CPE: variants seen among roughly 807,000 people sequenced by gnomAD.
CPE encodes the protein carboxypeptidase E.
CPE carries 17 observed loss-of-function variants against 53.5 expected under a neutral mutation model. The ratio of observed to expected loss-of-function variants is 0.32; its 90% CI spans 0.22 to 0.48. The LOEUF is 0.48. Among genes scored for constraint, CPE ranks in the 20% least tolerant of loss-of-function variants. CPE has a pLI of 0.99. For missense variants in CPE, 524 were observed against 614.7 expected, an observed-to-expected ratio of 0.85 and a Z score of 1.56; for synonymous variants, 226 against 228.8, an observed-to-expected ratio of 0.99 and a Z score of 0.11.
chr4:165,403,832 C>T (rs1730910021), intron 1 of CPE, among the ~76,000 whole-genome samples: 1 of 152,138 alleles, frequency 6.6e-6, no homozygotes, highest in African/African-American at 2.4e-5. Flanking sequence ...AGGGCTTATA[C>T]AATGAGCACA....
At chr4:165,438,346 G>T (rs1273305867) in intron 1 of CPE, among the ~76,000 whole-genome samples, 1 of 152,114 alleles carries the variant, frequency 6.6e-6, no homozygotes, top group East Asian at 1.9e-4. Context: ...GAGTCCTCAG[G>T]TTAGGAAGGC....
intron 1 of CPE, among the ~76,000 whole-genome samples, chr4:165,418,740 A>T (rs1437324976): frequency 6.6e-6 from 1 of 152,188 alleles, no homozygotes; most frequent in African/African-American, 2.4e-5. Flanking sequence ...AGCAATGATA[A>T]TTTTCTAACT....
At chr4:165,478,434 G>A (rs774452572) in intron 3 of CPE, among the ~76,000 whole-genome samples, 17 of 152,180 alleles carry the variant, frequency 1.1e-4, no homozygotes, top group Non-Finnish European at 2.2e-4. Flanking sequence ...ATAAGCAATT[G>A]TGTATGATGT....
chr4:165,441,299 AG>A (rs1188708836), intron 1 of CPE, among the ~76,000 whole-genome samples: 1 of 152,212 alleles, frequency 6.6e-6, no homozygotes, highest in Non-Finnish European at 1.5e-5. Context: ...AAGCAATTTG[AG>A]GAAGTGGCTC....
At chr4:165,435,584 G>A (rs6837498) in intron 1 of CPE, among the ~76,000 whole-genome samples, 27,037 of 152,010 alleles carry the variant, frequency 0.18, 2,631 homozygotes, top group African/African-American at 0.26. Context: ...CAGGATATGA[G>A]GACTATGACC....
intron 1 of CPE, among the ~76,000 whole-genome samples, chr4:165,409,879 C>CCT (rs1175251417): frequency 1.3e-5 from 2 of 152,022 alleles, no homozygotes; most frequent in African/African-American, 4.8e-5. Flanking sequence ...TGCCAGTTGT[C>CCT]CTCTTTCTAA....
At chr4:165,427,118 T>C (rs1055390127) in intron 1 of CPE, among the ~76,000 whole-genome samples, 5 of 152,192 alleles carry the variant, frequency 3.3e-5, no homozygotes, top group African/African-American at 1.2e-4. Flanking sequence ...GAATTTTCCA[T>C]TGTGGGCATA....
intron 1 of CPE, among the ~76,000 whole-genome samples, chr4:165,383,450 G>A (rs943509336): frequency 2.6e-5 from 4 of 152,212 alleles, no homozygotes; most frequent in South Asian, 2.1e-4. Flanking sequence ...CACTCGACCC[G>A]GAGTTAAATA....
intron 1 of CPE, among the ~76,000 whole-genome samples, chr4:165,409,935 A>C (rs1731010114): frequency 6.6e-6 from 1 of 152,084 alleles, no homozygotes; most frequent in African/African-American, 2.4e-5. Context: ...AAAAACACAA[A>C]AAACACAGAC....
intron 1 of CPE, 60 bp from the exon 2 acceptor site, chr4:165,464,330 C>A: frequency 7.7e-7 from 1 of 1,291,282 alleles, no homozygotes; most frequent in Non-Finnish European, 1.1e-6. Context: ...TGTAGGTATA[C>A]AATATATTTG....
At chr4:165,428,097 A>G (rs1436875708) in intron 1 of CPE, among the ~76,000 whole-genome samples, 2 of 152,118 alleles carry the variant, frequency 1.3e-5, no homozygotes, top group African/African-American at 4.8e-5. Context: ...TTGTGAGAGC[A>G]TAGCTCACTG....
chr4:165,433,034 T>C (rs1731439020), intron 1 of CPE, among the ~76,000 whole-genome samples: 2 of 152,226 alleles, frequency 1.3e-5, no homozygotes, highest in Non-Finnish European at 2.9e-5. Context: ...TTGGCTTTAT[T>C]GCAATTCTAG....
intron 6 of CPE, among the ~76,000 whole-genome samples, chr4:165,491,184 A>T (rs185668619): frequency 6.6e-6 from 1 of 152,246 alleles, no homozygotes; most frequent in Non-Finnish European, 1.5e-5. Flanking sequence ...CAGAAGCAGA[A>T]AAAAGTAAAG....
At position 165,481,265 on chromosome 4, in the gene CPE, T is replaced by C. The variant is rs115850757; in HGVS notation, c.673-977T>C. On this transcript the variant is annotated intron_variant, in intron 3 of 8. Transcript: ENST00000402744. Reference sequence around the variant, plus strand: ...ACACACCCAACTTTCAGATTCCTCCTTGTGAAATGGGTATGAATATCTTTG... The same window carrying C: ...ACACACCCAACTTTCAGATTCCTCCCTGTGAAATGGGTATGAATATCTTTG... 8.1e-3 allele frequency among the ~76,000 whole-genome samples: 1,226 copies of C among 152,278 alleles called. 21 individuals are homozygous for C. The highest frequency in any genetic ancestry group is 0.028 in the African/African-American group (1,174 of 41,548).
intron 3 of CPE, among the ~76,000 whole-genome samples, chr4:165,470,322 G>GTCC (rs1732183283): frequency 6.6e-6 from 1 of 152,074 alleles, no homozygotes. Flanking sequence ...CTTCCCTTGG[G>GTCC]GTGGGCTGTC....
At chr4:165,414,565 C>T (rs1270293859) in intron 1 of CPE, among the ~76,000 whole-genome samples, 1 of 139,280 alleles carries the variant, frequency 7.2e-6, no homozygotes, top group Non-Finnish European at 1.5e-5. Context: ...GCAGTATTCT[C>T]TTGTAGGCCA....
At chr4:165,479,858 GGCA>G (rs1318370657) in intron 3 of CPE, among the ~76,000 whole-genome samples, 1 of 152,068 alleles carries the variant, frequency 6.6e-6, no homozygotes, top group Admixed American at 6.5e-5. Context: ...CAGGTGTGGT[GGCA>G]GGCACCTGTA....
At chr4:165,448,972 A>C (rs1028238212) in intron 1 of CPE, among the ~76,000 whole-genome samples, 5 of 152,180 alleles carry the variant, frequency 3.3e-5, no homozygotes, top group African/African-American at 1.2e-4. Context: ...CTGATGCCCT[A>C]GGTTTTCTCA....
chr4:165,424,898 A>G (rs1364796442), intron 1 of CPE, among the ~76,000 whole-genome samples: 2 of 83,650 alleles, frequency 2.4e-5, no homozygotes, highest in African/African-American at 8.7e-5. Context: ...TTTTTGAGAC[A>G]GAGTCTAGCT....
Sources: allele counts gnomAD v4.1 joint callset (sites outside exome capture counted in the v4.1 genomes callset), GRCh38; gene constraint gnomAD v4.1.1; transcripts MANE v1.5; gene names NCBI Gene and HGNC (gene_info 2026-07-23, HGNC 2026-07-21).